The following UNC45B variants were observed in gnomAD, a reference collection of about 807,000 sequenced individuals.
UNC45B encodes unc-45 myosin chaperone B.
A neutral mutation model predicts 98.7 loss-of-function variants in UNC45B; 78 were observed. The observed-to-expected ratio is 0.79, with a 90% confidence interval of 0.66 to 0.95. The LOEUF is 0.95. Among genes scored for constraint, UNC45B ranks in the 40% least tolerant of loss-of-function variants. The probability of loss-of-function intolerance (pLI) is 0.00; values close to 1 mark genes in which losing one functional copy is unlikely to be tolerated. For synonymous variants in UNC45B, 462 were observed against 480.4 expected (o/e 0.96, Z 0.50); for missense variants, 1,225 against 1,184.9 (o/e 1.03, Z -0.50).
chr17:35,177,002 T>C lies in UNC45B; in HGVS notation c.2026-15T>C, dbSNP rs763211421. On this transcript the variant is annotated splice_polypyrimidine_tract_variant and intron_variant, in intron 15 of 19. Transcript: ENST00000394570. ...GATGTCTGTGACTAAGTAGTGACCTTGCCCTTTCTTGCAGGCCCTGATTCC... is the reference window on the plus strand; with the variant it reads ...GATGTCTGTGACTAAGTAGTGACCTCGCCCTTTCTTGCAGGCCCTGATTCC... The C allele has an allele frequency of 1.9e-6, 3 of 1,607,860 alleles. No homozygotes were observed. Among genetic ancestry groups the C allele is most frequent in the Middle Eastern group, 3.3e-4 (2 of 6,048 alleles).
chr17:35,184,268 A>G (rs578012908), intron 19 of UNC45B, among the ~76,000 whole-genome samples: 48 of 152,320 alleles, frequency 3.2e-4, no homozygotes, highest in Non-Finnish European at 6.0e-4. Flanking sequence ...GGCATCTGGC[A>G]AGGGTGTATC....
chr17:35,182,443 A>T (rs2092279837), intron 18 of UNC45B, among the ~76,000 whole-genome samples: 1 of 151,988 alleles, frequency 6.6e-6, no homozygotes, highest in African/African-American at 2.4e-5. Flanking sequence ...ATCATCAAGA[A>T]CTGTCTTCTC....
chr17:35,170,148 C>A lies in UNC45B; in HGVS notation c.1582C>A (p.Arg528=). ...LCNMSIDTRT[R]RWAVEGLAYL... ...CAATATGTCCATAGACACTCGGACC[C>A]GACGCTGGGCAGTGGAGGGCCTGGC... Residue 528 remains arginine (R), a synonymous_variant, in exon 12 of 20, where the codon CGA becomes AGA. Coordinates refer to ENST00000394570, the MANE Select transcript of UNC45B (RefSeq NM_001267052.2). 6.2e-7 allele frequency: 1 copy of A among 1,613,412 alleles called. No homozygotes were observed. Among genetic ancestry groups the A allele is most frequent in the Non-Finnish European group, 8.5e-7 (1 of 1,179,536 alleles).
In UNC45B at chr17:35,188,781, G is replaced by A. The variant is rs2092317731; in HGVS notation, c.*2222G>A. The A allele has an allele frequency of 6.6e-6, 1 of 152,142 alleles. No individual in the cohort carries two copies. Among genetic ancestry groups the A allele is most frequent in the African/African-American group, 2.4e-5 (1 of 41,432 alleles). The allele number at this position is 152,142 out of a possible 1,614,324, so 9.4% of individuals were successfully genotyped here. A position where few individuals can be genotyped will look rare whatever the true frequency, so the allele number is the denominator to read the frequency against. On this transcript the variant is annotated 3_prime_UTR_variant, in exon 20 of 20. Transcript: ENST00000394570. ...ATTCCTTCATCTGATTTTTGCCACTGGGCTGCCTCCCATTGTCTGGCTAAG... is the reference window on the plus strand; with the variant it reads ...ATTCCTTCATCTGATTTTTGCCACTAGGCTGCCTCCCATTGTCTGGCTAAG...
At chr17:35,171,668 G>A (rs1673659187) in intron 13 of UNC45B, among the ~76,000 whole-genome samples, 1 of 152,080 alleles carries the variant, frequency 6.6e-6, no homozygotes, top group African/African-American at 2.4e-5. Flanking sequence ...TTTCTATTTT[G>A]AAAAAAATCC....
At chr17:35,151,784 A>T (rs965232240) in intron 4 of UNC45B, among the ~76,000 whole-genome samples, 1 of 151,790 alleles carries the variant, frequency 6.6e-6, no homozygotes, top group Non-Finnish European at 1.5e-5. Context: ...CGAAGGAAAG[A>T]CCTCTCCGCA....
Position 35,155,338 on chromosome 17 carries a change from A to T in UNC45B, c.682A>T (p.Ser228Cys), listed in dbSNP as rs778176486. ...LHAVRIDRIC[S>C]LMAVENEEMS... ...TGCAGTGCGGATAGACCGAATCTGT[A>T]GCCTCATGGCCGTGGAGAATGAGGA... The change falls in exon 7 of 20, where the codon AGC (serine) becomes TGC (cysteine). Residue 228 changes from serine to cysteine, a missense_variant. Physicochemically the swap from Ser to Cys is moderately radical, Grantham distance 112. Coordinates refer to ENST00000394570, the MANE Select transcript of UNC45B (RefSeq NM_001267052.2). 1 of 1,614,214 alleles carries T rather than the reference A, an allele frequency of 6.2e-7. No homozygotes were observed. Among genetic ancestry groups the T allele is most frequent in the East Asian group, 2.2e-5 (1 of 44,884 alleles).
intron 8 of UNC45B, 151 bp from the exon 9 acceptor site, chr17:35,163,844 C>G (rs752459530): frequency 1.1e-6 from 1 of 891,350 alleles, no homozygotes; most frequent in Non-Finnish European, 1.6e-6. Flanking sequence ...GGTCCTTTGA[C>G]CCCATTCTAG....
intron 8 of UNC45B, among the ~76,000 whole-genome samples, chr17:35,159,935 TA>T (rs1276599574): frequency 7.9e-5 from 12 of 152,238 alleles, no homozygotes; most frequent in Admixed American, 2.0e-4. Flanking sequence ...AGAATGTTTG[TA>T]AACCCAAAAG....
At position 35,168,088 on chromosome 17, in the gene UNC45B, C is replaced by T. The variant is rs748487328; in HGVS notation, c.1179C>T (p.Asp393=). 2.1e-5 allele frequency: 32 copies of T among 1,558,606 alleles called. No individual in the cohort carries two copies. The highest frequency in any genetic ancestry group is 1.5e-4 in the Admixed American group (8 of 53,532). ...ITGKFDPQDM[D]KNLNAIQTVS... is the part of the protein sequence containing the mutation. ...GCAAGTTTGACCCCCAGGACATGGACAAGAACTTGAATGCCATCCAGACAG... is the reference window on the plus strand; with the variant it reads ...GCAAGTTTGACCCCCAGGACATGGATAAGAACTTGAATGCCATCCAGACAG... The change falls in exon 10 of 20, where the codon GAC becomes GAT. Residue 393 remains aspartate (D), a synonymous_variant. Coordinates refer to ENST00000394570, the MANE Select transcript of UNC45B (RefSeq NM_001267052.2).
At position 35,187,901 on chromosome 17, in the gene UNC45B, T is replaced by C. The variant is rs556455814; in HGVS notation, c.*1342T>C. ...AGGGTCAACAGTTCTGATCTCAGCATTGGGTAAAGGGTGGGACATTCAGAT... is the reference window on the plus strand; with the variant it reads ...AGGGTCAACAGTTCTGATCTCAGCACTGGGTAAAGGGTGGGACATTCAGAT... On this transcript the variant is annotated 3_prime_UTR_variant, in exon 20 of 20. Transcript: ENST00000394570. The C allele has an allele frequency of 2.0e-5, 3 of 152,330 alleles. No individual in the cohort carries two copies. In the South Asian group the frequency reaches 6.2e-4, roughly 32 times the overall value. 9.4% of individuals were successfully genotyped at this position (152,330 alleles called of 1,614,324 possible).
intron 18 of UNC45B, 109 bp downstream of exon 18, chr17:35,180,785 G>C: frequency 1.4e-6 from 1 of 702,316 alleles, no homozygotes; most frequent in Non-Finnish European, 2.4e-6. Flanking sequence ...CATTAAGGTA[G>C]CATTTTGGGC....
At chr17:35,182,378 C>T (rs1016483883) in intron 18 of UNC45B, among the ~76,000 whole-genome samples, 2 of 151,980 alleles carry the variant, frequency 1.3e-5, no homozygotes, top group African/African-American at 2.4e-5. Flanking sequence ...CGTGAGCCAC[C>T]GCGCCCGGCC....
rs1253398105 is a variant in UNC45B, at chr17:35,187,845, A to G, written c.*1286A>G. ...AGCTAAGATCTAGTACTGTCACTCC[A>G]GTATGTCCCAATTCTACCTACGTTT... On this transcript the variant is annotated 3_prime_UTR_variant, in exon 20 of 20. Coordinates refer to ENST00000394570, the MANE Select transcript of UNC45B (RefSeq NM_001267052.2). The G allele has an allele frequency of 6.6e-6, 1 of 152,248 alleles. No homozygotes were observed. Among genetic ancestry groups the G allele is most frequent in the East Asian group, 1.9e-4 (1 of 5,198 alleles). 9.4% of individuals were successfully genotyped at this position (152,248 alleles called of 1,614,324 possible).
In UNC45B at chr17:35,182,194, A is replaced by C. The variant is rs141241276; in HGVS notation, c.2374-1233A>C. Among the ~76,000 whole-genome samples, 1,309 of 151,726 alleles carry C rather than the reference A, an allele frequency of 8.6e-3. 26 individuals carry two copies. Among genetic ancestry groups the C allele is most frequent in the African/African-American group, 0.031 (1,270 of 41,346 alleles). On this transcript the variant is annotated intron_variant, in intron 18 of 19. Transcript: ENST00000394570. ...AACCTCCGCCTCCTGGGTTCAAGCA[A>C]TTGTCCTGCCTCAGCCTCCCGAGTA...
In UNC45B at chr17:35,180,645, A is replaced by C; in HGVS notation, c.2342A>C (p.Glu781Ala). 6.2e-7 allele frequency: 1 copy of C among 1,613,822 alleles called. No individual in the cohort carries two copies. The highest frequency in any genetic ancestry group is 1.1e-5 in the South Asian group (1 of 91,048). The change falls in exon 18 of 20, where the codon GAG (glutamate) becomes GCG (alanine). Residue 781 changes from glutamate to alanine, a missense_variant. Physicochemically the swap from Glu to Ala is moderately radical, Grantham distance 107 (BLOSUM62 -1). Coordinates refer to ENST00000394570, the MANE Select transcript of UNC45B (RefSeq NM_001267052.2). Reference protein sequence around the residue: ...NHDQLRQAATECMCNMVLHKE... With the variant: ...NHDQLRQAATACMCNMVLHKE... ...GATCAGCTGCGGCAGGCGGCCACCG[A>C]GTGCATGTGCAACATGGTGCTCCAC...
At chr17:35,169,766 G>C in intron 10 of UNC45B, 71 bp from the exon 11 acceptor site, 2 of 1,382,560 alleles carry the variant, frequency 1.4e-6, no homozygotes, top group Non-Finnish European at 2.1e-6. Context: ...AAACCTGTTT[G>C]AGCAAGGCTT....
At position 35,163,267 on chromosome 17, in the gene UNC45B, C is replaced by T. The variant is rs950258077; in HGVS notation, c.980-728C>T. Among the ~76,000 whole-genome samples, 10 of 152,312 alleles carry T rather than the reference C, an allele frequency of 6.6e-5. No individual in the cohort carries two copies. The East Asian group carries it at 1.9e-3, about 29-fold the overall frequency. On this transcript the variant is annotated intron_variant, in intron 8 of 19. Coordinates refer to ENST00000394570, the MANE Select transcript of UNC45B (RefSeq NM_001267052.2). ...CAGTGTTACCCTTCTATACTTATCA[C>T]ATCTCATTGCAATCTTCATATGTCA... is the stretch of plus-strand genomic sequence containing the variant.
chr17:35,153,029 C>A, intron 5 of UNC45B, 47 bp downstream of exon 5: 1 of 1,509,142 alleles, frequency 6.6e-7, no homozygotes, highest in Non-Finnish European at 9.1e-7. Context: ...ACCCGCCAGT[C>A]TGGACAGTGA....
Sources: allele counts gnomAD v4.1 joint callset (sites outside exome capture counted in the v4.1 genomes callset), GRCh38; gene constraint gnomAD v4.1.1; transcripts MANE v1.5; gene names NCBI Gene and HGNC (gene_info 2026-07-23, HGNC 2026-07-21).